Variants in SPPL3 observed in about 807,000 individuals in gnomAD.
SPPL3 encodes the protein signal peptide peptidase like 3.
In SPPL3, 5 loss-of-function variants were observed where a neutral mutation model predicts 42.4. The observed-to-expected ratio is 0.12, with a 90% CI of 0.06 to 0.25. The LOEUF (loss-of-function observed/expected upper bound fraction) is 0.25, where lower values mean the gene tolerates loss of function less well. Ranked by LOEUF, SPPL3 falls within the 10% of genes least tolerant of loss-of-function variation. SPPL3 has a pLI of 1.00. For synonymous variants in SPPL3, 195 were observed against 181.8 expected (o/e 1.07, Z -0.58); for missense variants, 235 against 489.0 (o/e 0.48, Z 4.90).
intron 1 of SPPL3, among the ~76,000 whole-genome samples, chr12:120,867,085 G>T (rs535415880): frequency 3.9e-5 from 6 of 152,176 alleles, no homozygotes; most frequent in Non-Finnish European, 5.9e-5. Context: ...AATTTCTATT[G>T]CTTTTAACTG....
At chr12:120,790,912 T>C (rs940814184) in intron 3 of SPPL3, among the ~76,000 whole-genome samples, 1 of 151,512 alleles carries the variant, frequency 6.6e-6, no homozygotes, top group African/African-American at 2.4e-5. Context: ...AGCCTCTGCC[T>C]CCTGGGTTCA....
At chr12:120,882,912 G>A (rs555783704) in intron 1 of SPPL3, among the ~76,000 whole-genome samples, 76 of 150,526 alleles carry the variant, frequency 5.0e-4, no homozygotes, top group Non-Finnish European at 8.4e-4. Flanking sequence ...AATCACAGAG[G>A]TAATGCTAGA....
At chr12:120,841,789 T>G (rs951700021) in intron 1 of SPPL3, among the ~76,000 whole-genome samples, 3 of 152,232 alleles carry the variant, frequency 2.0e-5, no homozygotes, top group Admixed American at 2.0e-4. Flanking sequence ...CACAGAGTGG[T>G]AACTGAGTTT....
At chr12:120,885,876 C>CA (rs1253938035) in intron 1 of SPPL3, among the ~76,000 whole-genome samples, 1 of 115,122 alleles carries the variant, frequency 8.7e-6, no homozygotes, top group African/African-American at 3.4e-5. Context: ...TTTTTTGAGA[C>CA]AGAGTTTTGC....
chr12:120,860,878 C>T (rs1170948306), intron 1 of SPPL3, among the ~76,000 whole-genome samples: 2 of 152,138 alleles, frequency 1.3e-5, no homozygotes, highest in African/African-American at 4.8e-5. Flanking sequence ...CAACCCCCTA[C>T]TCCCCTTCTA....
intron 1 of SPPL3, among the ~76,000 whole-genome samples, chr12:120,830,843 T>C (rs1389611834): frequency 6.6e-6 from 1 of 152,056 alleles, no homozygotes; most frequent in Non-Finnish European, 1.5e-5. Context: ...GCTTGATGGA[T>C]GTGATGGTTA....
At chr12:120,850,514 C>CAAAAAAAAAAAAAAAAAAAAAAAAA (rs56375227) in intron 1 of SPPL3, among the ~76,000 whole-genome samples, 1 of 116,698 alleles carries the variant, frequency 8.6e-6, no homozygotes, top group Non-Finnish European at 1.7e-5. Context: ...AAAAAAAAAA[C>CAAAAAAAAAAAAAAAAAAAAAAAAA]AAAAGCCAAA....
chr12:120,785,160 T>C (rs936207998), intron 3 of SPPL3, among the ~76,000 whole-genome samples: 1 of 152,052 alleles, frequency 6.6e-6, no homozygotes, highest in African/African-American at 2.4e-5. Context: ...TCCCAGGACT[T>C]TGGGAGGCTG....
chr12:120,795,734 G>T (rs1410632534), intron 2 of SPPL3, among the ~76,000 whole-genome samples: 1 of 151,896 alleles, frequency 6.6e-6, no homozygotes, highest in Non-Finnish European at 1.5e-5. Flanking sequence ...CTGCAGTTTT[G>T]AATCTGCAGA....
intron 1 of SPPL3, among the ~76,000 whole-genome samples, chr12:120,821,168 C>T (rs573859836): frequency 1.3e-5 from 2 of 152,254 alleles, no homozygotes; most frequent in South Asian, 4.1e-4. Context: ...ATCTTATTGC[C>T]TAGGATAGAT....
intron 1 of SPPL3, among the ~76,000 whole-genome samples, chr12:120,856,437 C>T (rs538853329): frequency 6.7e-6 from 1 of 149,684 alleles, no homozygotes; most frequent in East Asian, 2.0e-4. Flanking sequence ...GAAGAATACA[C>T]AGAACATGAA....
At chr12:120,881,465 C>CAAAAA (rs374467556) in intron 1 of SPPL3, among the ~76,000 whole-genome samples, 2 of 52,976 alleles carry the variant, frequency 3.8e-5, no homozygotes, top group Admixed American at 2.9e-4. Context: ...GAGACTGCCT[C>CAAAAA]AAAAAAAAAA....
intron 1 of SPPL3, among the ~76,000 whole-genome samples, chr12:120,896,753 T>TG (rs1873816515): frequency 6.6e-6 from 1 of 151,390 alleles, no homozygotes; most frequent in Non-Finnish European, 1.5e-5. Context: ...CACTCTAGAC[T>TG]GGGTGACAGG....
Position 120,817,071 on chromosome 12 carries a change from C to G in SPPL3, c.24-6185G>C, listed in dbSNP as rs139286073. 8.7e-3 allele frequency among the ~76,000 whole-genome samples: 1,328 copies of G among 151,786 alleles called. 16 individuals carry two copies. The highest frequency in any genetic ancestry group is 0.031 in the African/African-American group (1,269 of 41,342). On this transcript the variant is annotated intron_variant, in intron 1 of 10. Coordinates refer to ENST00000353487, the MANE Select transcript of SPPL3 (RefSeq NM_139015.5). ...CTAGGAGTCCGAGGTGGGAGGATTA[C>G]TTGAGCCCAGGAGTTCAAGACCAGC...
At chr12:120,880,963 A>G (rs1873260206) in intron 1 of SPPL3, among the ~76,000 whole-genome samples, 1 of 151,794 alleles carries the variant, frequency 6.6e-6, no homozygotes, top group Non-Finnish European at 1.5e-5. Context: ...ACAGATGCTC[A>G]GCATCACTAA....
Position 120,764,331 on chromosome 12 carries a change from T to C in SPPL3, c.*668A>G, listed in dbSNP as rs1566035024. ...CTATGTGTGTGTTTATATATATATA[T>C]GTACGTATGTATAAAAACCGTGCCC... On this transcript the variant is annotated 3_prime_UTR_variant, in exon 11 of 11. Coordinates refer to ENST00000353487, the MANE Select transcript of SPPL3 (RefSeq NM_139015.5). The C allele has an allele frequency of 1.3e-5, 2 of 152,062 alleles. No individual in the cohort carries two copies. The highest frequency in any genetic ancestry group is 3.9e-4 in the East Asian group (2 of 5,104). The allele number at this position is 152,062 out of a possible 1,614,324, so 9.4% of individuals were successfully genotyped here.
At chr12:120,881,240 G>A (rs997775481) in intron 1 of SPPL3, among the ~76,000 whole-genome samples, 1 of 151,610 alleles carries the variant, frequency 6.6e-6, no homozygotes, top group Non-Finnish European at 1.5e-5. Flanking sequence ...AGGCCGAGGC[G>A]GGAGGATCAT....
intron 1 of SPPL3, among the ~76,000 whole-genome samples, chr12:120,847,816 G>A (rs1872093631): frequency 6.6e-6 from 1 of 152,114 alleles, no homozygotes; most frequent in South Asian, 2.1e-4. Flanking sequence ...GCAGAGAACT[G>A]TCTTTCTGTT....
chr12:120,888,211 G>A (rs1478515220), intron 1 of SPPL3, among the ~76,000 whole-genome samples: 2 of 152,064 alleles, frequency 1.3e-5, no homozygotes, highest in Non-Finnish European at 2.9e-5. Flanking sequence ...GAGTAGCTGG[G>A]ATTACAGGCG....
Sources: gnomAD v4.1 joint callset for allele counts (sites outside exome capture counted in the v4.1 genomes callset) on GRCh38, gnomAD v4.1.1 for gene constraint, MANE v1.5 for transcripts, NCBI Gene and HGNC (gene_info 2026-07-23, HGNC 2026-07-21) for gene names.